The following CCDC18 variants were observed in gnomAD, a reference collection of about 807,000 sequenced individuals.
CCDC18 encodes the protein coiled-coil domain-containing protein 18.
A neutral mutation model predicts 196.0 loss-of-function variants in CCDC18; 157 were observed. The observed-to-expected ratio is 0.80, with a 90% confidence interval of 0.70 to 0.91. The LOEUF (loss-of-function observed/expected upper bound fraction) is 0.91, where lower values mean the gene tolerates loss of function less well. Ranked by LOEUF, CCDC18 falls within the 40% of genes least tolerant of loss-of-function variation. The pLI is 0.00. For synonymous variants in CCDC18, 482 were observed against 529.2 expected (o/e 0.91, Z 1.22); for missense variants, 1,465 against 1,611.6 (o/e 0.91, Z 1.56).
chr1:93,264,351 T>G (rs886268194), intron 26 of CCDC18, among the ~76,000 whole-genome samples: 2 of 152,158 alleles, frequency 1.3e-5, no homozygotes, highest in Non-Finnish European at 2.9e-5. Flanking sequence ...AATACCATGA[T>G]CACACCTAAA....
At chr1:93,255,600 G>C (rs1331382373) in intron 24 of CCDC18, among the ~76,000 whole-genome samples, 1 of 152,122 alleles carries the variant, frequency 6.6e-6, no homozygotes, top group Non-Finnish European at 1.5e-5. Flanking sequence ...GCTAGGTGTG[G>C]TGATGCATGC....
intron 17 of CCDC18, among the ~76,000 whole-genome samples, 188 bp downstream of exon 17, chr1:93,226,637 A>G (rs1204402246): frequency 6.6e-6 from 1 of 151,752 alleles, no homozygotes; most frequent in African/African-American, 2.4e-5. Flanking sequence ...GGGTTCAAGC[A>G]ATTCTTGTGC....
At chr1:93,223,230 T>C (rs950999745) in intron 16 of CCDC18, among the ~76,000 whole-genome samples, 3 of 152,188 alleles carry the variant, frequency 2.0e-5, no homozygotes, top group Non-Finnish European at 2.9e-5. Context: ...TAGCCAGATA[T>C]GAGATGGAAA....
At chr1:93,200,383 G>C (rs990886023) in intron 6 of CCDC18, among the ~76,000 whole-genome samples, 18 of 149,202 alleles carry the variant, frequency 1.2e-4, no homozygotes, top group African/African-American at 4.2e-4. Context: ...ACTCACTCCA[G>C]TAATCCAAGC....
intron 9 of CCDC18, among the ~76,000 whole-genome samples, chr1:93,208,741 A>G (rs1655131693): frequency 6.6e-6 from 1 of 152,056 alleles, no homozygotes; most frequent in Non-Finnish European, 1.5e-5. Flanking sequence ...ATCTTGGCTC[A>G]TCGCAACCTC....
chr1:93,217,200 T>C (rs1656645083), intron 13 of CCDC18, among the ~76,000 whole-genome samples: 1 of 152,076 alleles, frequency 6.6e-6, no homozygotes, highest in Non-Finnish European at 1.5e-5. Flanking sequence ...TTCCAAAGTG[T>C]TGGGATTACA....
Position 93,270,798 on chromosome 1 carries a change from G to C in CCDC18, c.4337G>C (p.Gly1446Ala), listed in dbSNP as rs771671564. The change falls in exon 28 of 29, where the codon GGT becomes GCT. Residue 1446 changes from glycine (G) to alanine (A), a missense_variant. Transcript: ENST00000690025. ...RLLKKSSMQT[G>A]AGLNQGENV ...TTAAAAAAGTCTTCTATGCAAACAGGTGCTGGTTTAAATCAGGTATGTATT... is the reference window on the plus strand; with the variant it reads ...TTAAAAAAGTCTTCTATGCAAACAGCTGCTGGTTTAAATCAGGTATGTATT... 5.2e-6 allele frequency: 8 copies of C among 1,534,932 alleles called. No individual in the cohort carries two copies. Among genetic ancestry groups the C allele is most frequent in the South Asian group, 4.9e-5 (4 of 82,198 alleles).
chr1:93,217,990 A>C, intron 14 of CCDC18, 121 bp downstream of exon 14: 1 of 733,622 alleles, frequency 1.4e-6, no homozygotes, highest in Non-Finnish European at 2.3e-6. Context: ...CAAGAGCTGT[A>C]ATTAGAATCC....
chr1:93,234,990 CTT>C (rs1222470671), intron 18 of CCDC18, among the ~76,000 whole-genome samples: 2 of 70,786 alleles, frequency 2.8e-5, no homozygotes, highest in African/African-American at 5.5e-5. Context: ...CTTTTTTTTT[CTT>C]TTTTTTTTTT....
intron 12 of CCDC18, among the ~76,000 whole-genome samples, chr1:93,215,203 G>C (rs1365788027): frequency 6.6e-6 from 1 of 152,036 alleles, no homozygotes; most frequent in Non-Finnish European, 1.5e-5. Context: ...TCTCAAATTT[G>C]GTGGAAATAA....
rs1248352466 is a variant in CCDC18, at chr1:93,205,512, T to A, written c.798T>A (p.Val266=). Reference sequence around the variant, plus strand: ...GTCCACTTAAATTATTGTTTTAGGTTCAAGCTGAAGAAGAAATATTAGAGA... The same window carrying A: ...GTCCACTTAAATTATTGTTTTAGGTACAAGCTGAAGAAGAAATATTAGAGA... ...KKKVAEKLEK[V]QAEEEILERN... is the part of the protein sequence containing the mutation. The change falls in exon 8 of 29, where the codon GTT becomes GTA. Residue 266 remains valine (V), a splice_region_variant and synonymous_variant. Coordinates refer to ENST00000690025, the MANE Select transcript of CCDC18 (RefSeq NM_001378204.1). The A allele has an allele frequency of 2.5e-6, 4 of 1,581,908 alleles. No individual in the cohort carries two copies. Among genetic ancestry groups the A allele is most frequent in the Non-Finnish European group, 3.4e-6 (4 of 1,166,386 alleles).
intron 23 of CCDC18, among the ~76,000 whole-genome samples, chr1:93,250,378 C>CAAAAAAA (rs71094242): frequency 4.5e-5 from 4 of 89,396 alleles, no homozygotes; most frequent in Non-Finnish European, 7.2e-5. Flanking sequence ...GAGACCCTGT[C>CAAAAAAA]AAAAAAAAAA....
chr1:93,226,477 C>A (rs1370951134), intron 17 of CCDC18, 28 bp downstream of exon 17: 4 of 924,444 alleles, frequency 4.3e-6, no homozygotes, highest in Non-Finnish European at 6.9e-6. Flanking sequence ...TTATATATAG[C>A]ATATATTTCA....
Position 93,192,467 on chromosome 1 carries a change from G to A in CCDC18, c.569+361G>A, listed in dbSNP as rs146697225. On this transcript the variant is annotated intron_variant, in intron 5 of 28. Transcript: ENST00000690025. ...TTATTTTTACAGAAAGGGTCTCACTGCGTCACCTAGGCTGGAGTGCAGTGG... is the reference window on the plus strand; with the variant it reads ...TTATTTTTACAGAAAGGGTCTCACTACGTCACCTAGGCTGGAGTGCAGTGG... 5.3e-3 allele frequency among the ~76,000 whole-genome samples: 800 copies of A among 152,302 alleles called. 9 individuals carry two copies. The highest frequency in any genetic ancestry group is 0.018 in the African/African-American group (759 of 41,560).
chr1:93,252,042 A>ATCTATCTATCT (rs1662334060), intron 23 of CCDC18, among the ~76,000 whole-genome samples: 2 of 114,464 alleles, frequency 1.7e-5, no homozygotes, highest in Non-Finnish European at 3.5e-5. Flanking sequence ...TCTATCTATC[A>ATCTATCTATCT]AACTAATTAA....
chr1:93,189,783 C>T (rs1262446143), intron 4 of CCDC18, among the ~76,000 whole-genome samples: 1 of 152,152 alleles, frequency 6.6e-6, no homozygotes, highest in African/African-American at 2.4e-5. Context: ...CCACCTTAAC[C>T]TCCCAAGTAG....
chr1:93,249,898 C>T (rs72959223), intron 23 of CCDC18, among the ~76,000 whole-genome samples: 13,408 of 151,804 alleles, frequency 0.088, 671 homozygotes, highest in African/African-American at 0.13. Context: ...CACAGTAGCC[C>T]GTAGGTTTTG....
Position 93,186,423 on chromosome 1 carries a change from G to C in CCDC18, c.382G>C (p.Ala128Pro). Residue 128 changes from alanine to proline, a missense_variant, in exon 4 of 29, where the codon GCT becomes CCT. By Grantham distance (27) the Ala-to-Pro change is conservative (BLOSUM62 -1). Transcript: ENST00000690025. ...EKLNKLRQQN[A>P]CLVTQNHSLM... Reference sequence around the variant, plus strand: ...ACTAAATAAACTTAGGCAACAGAATGCTTGTTTGGTCACACAGAATCATTC... The same window carrying C: ...ACTAAATAAACTTAGGCAACAGAATCCTTGTTTGGTCACACAGAATCATTC... 6.2e-7 allele frequency: 1 copy of C among 1,612,020 alleles called. No homozygotes were observed.
At chr1:93,198,911 T>TTG (rs1653279643) in intron 6 of CCDC18, among the ~76,000 whole-genome samples, 2 of 152,204 alleles carry the variant, frequency 1.3e-5, no homozygotes, top group Admixed American at 6.5e-5. Context: ...CCTCCTAAAG[T>TTG]GCAAGTATTA....
Sources: gnomAD v4.1 joint callset for allele counts (sites outside exome capture counted in the v4.1 genomes callset) on GRCh38, gnomAD v4.1.1 for gene constraint, MANE v1.5 for transcripts, NCBI Gene and HGNC (gene_info 2026-07-23, HGNC 2026-07-21) for gene names.